FBXL2: variants seen among roughly 807,000 people sequenced by gnomAD.
The protein encoded by FBXL2 is F-box and leucine rich repeat protein 2, also known as F-box/LRR-repeat protein 2.
In FBXL2, 38 loss-of-function variants were observed where a neutral mutation model predicts 69.2. The observed-to-expected ratio is 0.55, with a 90% CI of 0.42 to 0.72. The LOEUF is 0.72. FBXL2 is among the 30% of genes least tolerant of loss of function. The probability of loss-of-function intolerance (pLI) is 0.00; values close to 1 mark genes in which losing one functional copy is unlikely to be tolerated. For missense variants in FBXL2, 354 were observed against 520.3 expected (o/e 0.68, Z 3.11); for synonymous variants, 192 against 201.3 (o/e 0.95, Z 0.39).
chr3:33,359,831 ATAAAG>A (rs1559602039), intron 4 of FBXL2, among the ~76,000 whole-genome samples: 1 of 152,210 alleles, frequency 6.6e-6, no homozygotes, highest in African/African-American at 2.4e-5. Flanking sequence ...TATCTATAAA[ATAAAG>A]TAATAATTAA....
intron 2 of FBXL2, among the ~76,000 whole-genome samples, chr3:33,334,377 T>C (rs1319618736): frequency 6.6e-6 from 1 of 152,178 alleles, no homozygotes; most frequent in Non-Finnish European, 1.5e-5. Flanking sequence ...CAAATAGAAT[T>C]TCTATAACTG....
chr3:33,307,673 A>G (rs1199141893), intron 2 of FBXL2, among the ~76,000 whole-genome samples: 1 of 152,036 alleles, frequency 6.6e-6, no homozygotes, highest in Non-Finnish European at 1.5e-5. Flanking sequence ...ACTCTCAAAC[A>G]TTTCAGAGAA....
At chr3:33,343,826 A>G (rs1171800269) in intron 2 of FBXL2, among the ~76,000 whole-genome samples, 3 of 152,080 alleles carry the variant, frequency 2.0e-5, no homozygotes, top group Non-Finnish European at 4.4e-5. Flanking sequence ...GTAGGTCTTC[A>G]TTTGTACTCT....
chr3:33,289,387 T>C (rs1047356878), intron 1 of FBXL2, among the ~76,000 whole-genome samples: 2 of 152,112 alleles, frequency 1.3e-5, no homozygotes, highest in African/African-American at 4.8e-5. Context: ...TGTTGCAAAT[T>C]GCAACAGTTG....
chr3:33,279,653 C>T (rs1349523933), intron 1 of FBXL2, among the ~76,000 whole-genome samples: 1 of 152,154 alleles, frequency 6.6e-6, no homozygotes, highest in African/African-American at 2.4e-5. Flanking sequence ...TGACTTGGCA[C>T]ATTAATTTTG....
At position 33,387,140 on chromosome 3, in the gene FBXL2, A is replaced by G. The variant is rs370600925; in HGVS notation, c.*1532A>G. 3 of 152,174 alleles carry G rather than the reference A, an allele frequency of 2.0e-5. No homozygotes were observed. Among genetic ancestry groups the G allele is most frequent in the Admixed American group, 1.3e-4 (2 of 15,284 alleles). 9.4% of individuals were successfully genotyped at this position (152,174 alleles called of 1,614,324 possible). Reference sequence around the variant, plus strand: ...GATATATTCCAGTATTCCTTGGTCTAAAAATTGTGTGGATACCATAGCAGT... The same window carrying G: ...GATATATTCCAGTATTCCTTGGTCTGAAAATTGTGTGGATACCATAGCAGT... On this transcript the variant is annotated 3_prime_UTR_variant, in exon 15 of 15. Coordinates refer to ENST00000484457, the MANE Select transcript of FBXL2 (RefSeq NM_012157.5).
At chr3:33,317,616 A>C (rs556692366) in intron 2 of FBXL2, 161 of 433,268 alleles carry the variant, frequency 3.7e-4, no homozygotes, top group Middle Eastern at 6.9e-4. Context: ...CAGTAGGGGT[A>C]TGTTTCTGTT....
rs776920445 is a variant in FBXL2, at chr3:33,334,543, C to T, written c.66-24424C>T. Among the ~76,000 whole-genome samples, 213 of 152,118 alleles carry T rather than the reference C, an allele frequency of 1.4e-3. 1 individual carries two copies. Among genetic ancestry groups the T allele is most frequent in the Non-Finnish European group, 1.9e-3 (126 of 68,004 alleles). Reference sequence around the variant, plus strand: ...GAAAAAATTAACACATCATCAGCAACGTGTAAGGAAATATTAAGAGGTCTA... The same window carrying T: ...GAAAAAATTAACACATCATCAGCAATGTGTAAGGAAATATTAAGAGGTCTA... On this transcript the variant is annotated intron_variant, in intron 2 of 14. Transcript: ENST00000484457.
At chr3:33,393,794 G>A (rs1360530510) in intron 12 of FBXL2, among the ~76,000 whole-genome samples, 2 of 152,044 alleles carry the variant, frequency 1.3e-5, no homozygotes, top group Non-Finnish European at 2.9e-5. Flanking sequence ...AACAGGAATT[G>A]GCTGCAAATG....
chr3:33,300,710 C>CTTT (rs576599326), intron 2 of FBXL2: 1 of 137,642 alleles, frequency 7.3e-6, no homozygotes, highest in Non-Finnish European at 1.6e-5. Flanking sequence ...GCTATGCTTT[C>CTTT]TTTTTTTTTT....
chr3:33,283,891 G>A (rs1263374477), intron 1 of FBXL2, among the ~76,000 whole-genome samples: 1 of 152,160 alleles, frequency 6.6e-6, no homozygotes, highest in Non-Finnish European at 1.5e-5. Flanking sequence ...GATCAGTGGT[G>A]ATATTCCGTT....
intron 4 of FBXL2, among the ~76,000 whole-genome samples, chr3:33,360,203 G>A (rs2041510325): frequency 1.3e-5 from 2 of 152,126 alleles, no homozygotes; most frequent in South Asian, 4.1e-4. Context: ...TTTTTACCAA[G>A]ATGTATATAT....
At chr3:33,415,439 G>C in the FBXL2 span, among the ~76,000 whole-genome samples, 1 of 152,166 alleles carries the variant, frequency 6.6e-6, no homozygotes, top group East Asian at 1.9e-4. Context: ...AAGCACAAGG[G>C]GAATAGATGA....
chr3:33,399,729 TGTG>T (rs1260018875), intron 12 of FBXL2, among the ~76,000 whole-genome samples: 1 of 152,156 alleles, frequency 6.6e-6, no homozygotes, highest in African/African-American at 2.4e-5. Flanking sequence ...TCATCTTAAT[TGTG>T]GTGGTGGTTA....
intron 1 of FBXL2, among the ~76,000 whole-genome samples, chr3:33,281,961 G>A (rs984468305): frequency 9.9e-5 from 15 of 151,940 alleles, no homozygotes; most frequent in African/African-American, 1.5e-4. Flanking sequence ...TTGTCAGATG[G>A]GTAGATTGCA....
chr3:33,330,642 C>T (rs1575217975), intron 2 of FBXL2, among the ~76,000 whole-genome samples: 1 of 152,034 alleles, frequency 6.6e-6, no homozygotes, highest in African/African-American at 2.4e-5. Flanking sequence ...AATCCCAGCA[C>T]TCTGAGAGGC....
chr3:33,402,920 G>T (rs1297254500), intron 12 of FBXL2: 6 of 1,579,778 alleles, frequency 3.8e-6, no homozygotes, highest in Non-Finnish European at 5.2e-6. Context: ...GACAGAAACA[G>T]AAATAAATTA....
intron 2 of FBXL2, among the ~76,000 whole-genome samples, chr3:33,304,157 A>G (rs1343892165): frequency 6.6e-6 from 1 of 152,112 alleles, no homozygotes; most frequent in Non-Finnish European, 1.5e-5. Context: ...TCAGTTATGC[A>G]GAATTGGATT....
intron 2 of FBXL2, among the ~76,000 whole-genome samples, chr3:33,336,198 T>C (rs966181375): frequency 1.3e-5 from 2 of 152,210 alleles, no homozygotes; most frequent in African/African-American, 4.8e-5. Context: ...AAAGGCATAT[T>C]ATAAAACTGC....
Sources: allele counts gnomAD v4.1 joint callset (sites outside exome capture counted in the v4.1 genomes callset), GRCh38; gene constraint gnomAD v4.1.1; transcripts MANE v1.5; gene names NCBI Gene and HGNC (gene_info 2026-07-23, HGNC 2026-07-21).